PTPRS: variants seen among roughly 807,000 people sequenced by gnomAD.
PTPRS encodes protein tyrosine phosphatase receptor type S.
Under a neutral mutation model 215.3 loss-of-function variants are expected in PTPRS, and 63 were observed. The ratio of observed to expected loss-of-function variants is 0.29; its 90% CI spans 0.24 to 0.36. The LOEUF (loss-of-function observed/expected upper bound fraction) is 0.36. Ranked by LOEUF, PTPRS falls within the 10% of genes least tolerant of loss-of-function variation. The pLI, the probability that PTPRS is intolerant of heterozygous loss-of-function variation, is 1.00. For missense variants in PTPRS, 2,258 were observed against 2,825.8 expected (o/e 0.80, Z 4.56); for synonymous variants, 1,404 against 1,191.4 (o/e 1.18, Z -3.68).
intron 1 of PTPRS, among the ~76,000 whole-genome samples, chr19:5,319,172 G>A (rs916707727): frequency 3.9e-5 from 6 of 152,194 alleles, no homozygotes; most frequent in Non-Finnish European, 8.8e-5. Context: ...AGCACTTTGG[G>A]AAGCCAAGGT....
In PTPRS at chr19:5,224,608, G is replaced by T. The variant is rs560804549; in HGVS notation, c.2494+1119C>A. ...ACTTCTCTACTGCAGGACTTATCAGGGCCTTGAATGGACTGCTATGAATAC... is the reference window on the plus strand; with the variant it reads ...ACTTCTCTACTGCAGGACTTATCAGTGCCTTGAATGGACTGCTATGAATAC... On this transcript the variant is annotated intron_variant, in intron 17 of 37. Coordinates refer to ENST00000262963, the MANE Select transcript of PTPRS (RefSeq NM_002850.4). 1.9e-4 allele frequency among the ~76,000 whole-genome samples: 29 copies of T among 152,306 alleles called. No homozygotes were observed. The South Asian group carries it at 5.2e-3, about 27-fold the overall frequency.
intron 1 of PTPRS, among the ~76,000 whole-genome samples, chr19:5,327,969 G>C (rs1474789929): frequency 6.6e-6 from 1 of 152,086 alleles, no homozygotes; most frequent in Admixed American, 6.6e-5. Context: ...GACCCTTTGG[G>C]CCTCTCACCT....
In PTPRS at chr19:5,210,885, A is replaced by G; in HGVS notation, c.5235-80T>C. 1 of 1,537,726 alleles carries G rather than the reference A, an allele frequency of 6.5e-7. No individual in the cohort carries two copies. Among genetic ancestry groups the G allele is most frequent in the South Asian group, 1.2e-5 (1 of 80,636 alleles). On this transcript the variant is annotated intron_variant, in intron 33 of 37. Transcript: ENST00000262963. This position sits in a 1 kb window ranked among gnomAD's most constrained non-coding sequence, Gnocchi z 4.5. ...TCACCTGATGCTGCCCGGGAGGGTC[A>G]GGACCAAGCCAGTGACAGCTACACC...
intron 1 of PTPRS, among the ~76,000 whole-genome samples, chr19:5,327,203 C>A (rs1394984922): frequency 6.6e-6 from 1 of 152,194 alleles, no homozygotes; most frequent in African/African-American, 2.4e-5. Context: ...CTCAATACCC[C>A]GGACACAGCG....
intron 1 of PTPRS, among the ~76,000 whole-genome samples, chr19:5,314,530 C>A (rs1309528156): frequency 6.6e-6 from 1 of 151,832 alleles, no homozygotes; most frequent in Non-Finnish European, 1.5e-5. Context: ...GTTTCTCCAC[C>A]TTTCTTATTT....
intron 5 of PTPRS, among the ~76,000 whole-genome samples, chr19:5,263,826 C>T (rs564063389): frequency 2.2e-4 from 33 of 152,294 alleles, no homozygotes; most frequent in African/African-American, 7.9e-4. Context: ...GAGATGCAGG[C>T]GGACACTTTG....
intron 13 of PTPRS, 126 bp downstream of exon 13, chr19:5,238,793 G>T: frequency 1.5e-6 from 2 of 1,296,754 alleles, no homozygotes; most frequent in Non-Finnish European, 1.0e-6. Flanking sequence ...GAACAAAGCG[G>T]AGACAGGCCG....
At chr19:5,301,755 C>T (rs1018879722) in intron 1 of PTPRS, among the ~76,000 whole-genome samples, 2 of 151,900 alleles carry the variant, frequency 1.3e-5, no homozygotes, top group African/African-American at 2.4e-5. Context: ...CCCCTCCTTG[C>T]TCATGACTCT....
At chr19:5,326,944 T>A (rs2050184993) in intron 1 of PTPRS, among the ~76,000 whole-genome samples, 3 of 152,158 alleles carry the variant, frequency 2.0e-5, no homozygotes, top group African/African-American at 7.2e-5. Flanking sequence ...CCAAAGACCC[T>A]GCAGAGTGAC....
intron 19 of PTPRS, among the ~76,000 whole-genome samples, 161 bp downstream of exon 19, chr19:5,221,962 C>G (rs1207182952): frequency 6.6e-6 from 1 of 152,194 alleles, no homozygotes; most frequent in African/African-American, 2.4e-5. Flanking sequence ...GGCCCCAAGT[C>G]TGATTCCCAG....
chr19:5,216,898 C>T (rs927736735), intron 25 of PTPRS, 131 bp from the exon 26 acceptor site: 8 of 640,752 alleles, frequency 1.2e-5, no homozygotes, highest in African/African-American at 9.1e-5. Context: ...GGGGTATGTA[C>T]AGCCACCTGG....
chr19:5,329,288 C>G (rs2050252693), intron 1 of PTPRS, among the ~76,000 whole-genome samples: 1 of 151,810 alleles, frequency 6.6e-6, no homozygotes, highest in Admixed American at 6.6e-5. Context: ...AGGGTGCCAT[C>G]CAGAGAGGGA....
intron 1 of PTPRS, among the ~76,000 whole-genome samples, chr19:5,336,269 G>C (rs1258133434): frequency 1.4e-5 from 2 of 138,148 alleles, no homozygotes; most frequent in Non-Finnish European, 3.2e-5. Flanking sequence ...GAAAAGGGGG[G>C]GGGGCGGGGG....
intron 2 of PTPRS, among the ~76,000 whole-genome samples, chr19:5,284,373 ATT>A (rs2048144804): frequency 7.2e-6 from 1 of 137,934 alleles, no homozygotes; most frequent in African/African-American, 2.7e-5. Flanking sequence ...AAATTAATTA[ATT>A]AAAATAAATA....
chr19:5,222,957 G>T lies in PTPRS; in HGVS notation c.2835C>A (p.Thr945=). The change falls in exon 18 of 38, where the codon ACC becomes ACA. Residue 945 remains threonine (T), a synonymous_variant. Coordinates refer to ENST00000262963, the MANE Select transcript of PTPRS (RefSeq NM_002850.4). The stretch of plus-strand genomic sequence containing the variant: ...CGGGTGGCAGCCAGCGGAGAAGGAC[G>T]GTCCCGGCCGAGGCGTTGCCGGCCG... ...LEAAGNASAG[T]VLLRWLPPVP... is the part of the protein sequence containing the mutation. 1.3e-6 allele frequency: 2 copies of T among 1,546,346 alleles called. No individual in the cohort carries two copies. Among genetic ancestry groups the T allele is most frequent in the Non-Finnish European group, 1.7e-6 (2 of 1,152,018 alleles).
Position 5,244,633 on chromosome 19 carries a change from C to CT in PTPRS, c.989-152_989-151insA, listed in dbSNP as rs1213939758. On this transcript the variant is annotated intron_variant, in intron 10 of 37. Coordinates refer to ENST00000262963, the MANE Select transcript of PTPRS (RefSeq NM_002850.4). The surrounding 1 kb of genome is among the most constrained non-coding windows in gnomAD (Gnocchi z 7.2). The stretch of plus-strand genomic sequence containing the variant: ...TCATGACTCCTGTCATCGTCTACAG[C>CT]AAGGGGTAACAAACTATGGCCCAGG... 3.1e-6 allele frequency: 2 copies of CT among 651,334 alleles called. No homozygotes were observed. The highest frequency in any genetic ancestry group is 3.6e-5 in the African/African-American group (2 of 54,814). 40.3% of individuals were successfully genotyped at this position (651,334 alleles called of 1,614,324 possible).
At chr19:5,297,697 A>G (rs565260028) in intron 1 of PTPRS, among the ~76,000 whole-genome samples, 4 of 152,278 alleles carry the variant, frequency 2.6e-5, no homozygotes, top group South Asian at 4.1e-4. Context: ...AATCAGACAT[A>G]CAAACACCTA....
rs544775808 is a variant in PTPRS, at chr19:5,205,971, A to T, written c.*803T>A. Among the ~76,000 whole-genome samples the T allele has an allele frequency of 1.5e-4, 23 of 151,206 alleles. No individual in the cohort carries two copies. The highest frequency in any genetic ancestry group is 5.1e-4 in the African/African-American group (21 of 41,212). ...TGAAAATTTAATTTATAAAAATGAA[A>T]CAAAAAGGGGGAAAAAAAAAGCCAA... On this transcript the variant is annotated 3_prime_UTR_variant, in exon 38 of 38. Transcript: ENST00000262963.
rs989331126 is a variant in PTPRS at position 5,339,757 on chromosome 19, CCT to C, written c.-95+905_-95+906del. On this transcript the variant is annotated intron_variant, in intron 1 of 37. Transcript: ENST00000262963. The surrounding 1 kb of genome is among the most constrained non-coding windows in gnomAD (Gnocchi z 4.2). ...CCGCCCCCGGTATGACGTCACCTCCCCTCCCCCCGCAGCCCCCGGGGGCTCCC... is the reference window on the plus strand; with the variant it reads ...CCGCCCCCGGTATGACGTCACCTCCCCCCCCCGCAGCCCCCGGGGGCTCCC... Among the ~76,000 whole-genome samples the C allele has an allele frequency of 1.4e-4, 22 of 151,966 alleles. No homozygotes were observed. Among genetic ancestry groups the C allele is most frequent in the African/African-American group, 5.1e-4 (21 of 41,514 alleles).
Sources: allele counts gnomAD v4.1 joint callset (sites outside exome capture counted in the v4.1 genomes callset), GRCh38; gene constraint gnomAD v4.1.1; non-coding constraint Gnocchi (gnomAD v3.1); transcripts MANE v1.5; gene names NCBI Gene and HGNC (gene_info 2026-07-23, HGNC 2026-07-21).